The following ZC3H7B variants were observed in gnomAD, a reference collection of about 807,000 sequenced individuals.
The protein encoded by ZC3H7B is zinc finger CCCH domain-containing protein 7B.
A neutral mutation model predicts 116.0 loss-of-function variants in ZC3H7B; 35 were observed. That is an observed-to-expected ratio of 0.30 (90% CI 0.23 to 0.40). The LOEUF (loss-of-function observed/expected upper bound fraction) is 0.40. ZC3H7B is among the 10% of genes least tolerant of loss of function. The pLI, the probability that ZC3H7B is intolerant of heterozygous loss-of-function variation, is 1.00. For synonymous variants in ZC3H7B, 502 were observed against 545.6 expected (o/e 0.92, Z 1.11); for missense variants, 1,011 against 1,321.5 (o/e 0.77, Z 3.64).
At chr22:41,348,791 G>A (rs1026642716) in intron 15 of ZC3H7B, among the ~76,000 whole-genome samples, 3 of 152,332 alleles carry the variant, frequency 2.0e-5, no homozygotes, top group South Asian at 4.1e-4. Flanking sequence ...TGGCCCAGAG[G>A]ACATGCTTGG....
intron 9 of ZC3H7B, 45 bp from the exon 10 acceptor site, chr22:41,339,771 C>T (rs2036494945): frequency 6.5e-7 from 1 of 1,532,772 alleles, no homozygotes; most frequent in Non-Finnish European, 8.8e-7. Flanking sequence ...CAGGCCTGGG[C>T]AGTCCTGTTT....
intron 12 of ZC3H7B, 68 bp downstream of exon 12, chr22:41,342,696 C>T: frequency 3.5e-6 from 5 of 1,422,048 alleles, no homozygotes; most frequent in Non-Finnish European, 4.8e-6. Context: ...CATGGGATCC[C>T]AGATCAAAAG....
Position 41,327,729 on chromosome 22 carries a change from C to T in ZC3H7B, c.444+365C>T, listed in dbSNP as rs1426651933. Among the ~76,000 whole-genome samples, 1 of 152,186 alleles carries T rather than the reference C, an allele frequency of 6.6e-6. No homozygotes were observed. On this transcript the variant is annotated intron_variant, in intron 5 of 22. Transcript: ENST00000352645. The surrounding 1 kb of genome is among the most constrained non-coding windows in gnomAD (Gnocchi z 4.5). ...CCTGAGGTCAGGAGTTTGAGACCAG[C>T]CTGGCCAACATGGCAAAACCCCATC...
chr22:41,343,593 G>A lies in ZC3H7B; in HGVS notation c.1459+17G>A, dbSNP rs140522063. Reference sequence around the variant, plus strand: ...TGTGCAAAGGTGGGTGGGCTGCAGCGGGGCAGGCAGCACAGCTGGGGCCCA... The same window carrying A: ...TGTGCAAAGGTGGGTGGGCTGCAGCAGGGCAGGCAGCACAGCTGGGGCCCA... On this transcript the variant is annotated intron_variant, in intron 13 of 22. Transcript: ENST00000352645. 1.2e-3 allele frequency: 1,964 copies of A among 1,578,816 alleles called. 10 individuals are homozygous for A. In the African/African-American group the frequency reaches 0.013, roughly 11 times the overall value.
At chr22:41,332,315 A>C in intron 7 of ZC3H7B, 88 bp downstream of exon 7, 1 of 1,535,672 alleles carries the variant, frequency 6.5e-7, no homozygotes, top group Non-Finnish European at 9.0e-7. Flanking sequence ...GACCTCAGGC[A>C]GTGGGTCCAG....
At chr22:41,318,919 C>T (rs1479814781) in intron 1 of ZC3H7B, among the ~76,000 whole-genome samples, 6 of 152,152 alleles carry the variant, frequency 3.9e-5, no homozygotes, top group Non-Finnish European at 8.8e-5. Context: ...GAGCCCTTTC[C>T]CACCAGGTAT....
At position 41,339,221 on chromosome 22, in the gene ZC3H7B, CT is replaced by C; in HGVS notation, c.816+31del. The stretch of plus-strand genomic sequence containing the variant: ...GCCACACCACCCTCCTTGTGCTCCC[CT>C]GATCCCCTCTCCCCGCTGTGTCCCC... On this transcript the variant is annotated intron_variant, in intron 9 of 22. Transcript: ENST00000352645. The C allele has an allele frequency of 3.8e-6, 6 of 1,575,292 alleles. 1 individual carries two copies. Among genetic ancestry groups the C allele is most frequent in the South Asian group, 3.6e-5 (3 of 84,214 alleles).
At position 41,323,082 on chromosome 22, in the gene ZC3H7B, G is replaced by A. The variant is rs564253254; in HGVS notation, c.53+2369G>A. On this transcript the variant is annotated intron_variant, in intron 2 of 22. Transcript: ENST00000352645. The stretch of plus-strand genomic sequence containing the variant: ...CACAACGCAGTCACTTTTCCTGGCC[G>A]CTTCTGGAGGGTGTCCTGCGCTGGG... Among the ~76,000 whole-genome samples the A allele has an allele frequency of 8.5e-5, 13 of 152,288 alleles. No homozygotes were observed. The East Asian group carries it at 2.3e-3, about 27-fold the overall frequency.
intron 11 of ZC3H7B, 38 bp from the exon 12 acceptor site, chr22:41,342,491 A>G: frequency 6.2e-7 from 1 of 1,600,604 alleles, no homozygotes. Flanking sequence ...CTCAGCCATC[A>G]TCCAGTGCCC....
At chr22:41,350,746 C>A (rs1208039586) in intron 16 of ZC3H7B, among the ~76,000 whole-genome samples, 4 of 152,300 alleles carry the variant, frequency 2.6e-5, no homozygotes, top group African/African-American at 9.6e-5. Context: ...ATGTTGGAAG[C>A]AGCAGATGTG....
Position 41,348,058 on chromosome 22 carries a change from C to T in ZC3H7B, c.1666-9C>T. 6.2e-7 allele frequency: 1 copy of T among 1,613,538 alleles called. No individual in the cohort carries two copies. Among genetic ancestry groups the T allele is most frequent in the Non-Finnish European group, 8.5e-7 (1 of 1,179,610 alleles). On this transcript the variant is annotated splice_polypyrimidine_tract_variant and intron_variant, in intron 14 of 22. Coordinates refer to ENST00000352645, the MANE Select transcript of ZC3H7B (RefSeq NM_017590.6). ...ATGCCAGGTCCCAGCCCTTCCCCTC[C>T]CTGGGCAGATCTGCTTTGACAGTAA... is the stretch of plus-strand genomic sequence containing the variant.
At chr22:41,319,011 A>G (rs558085453) in intron 1 of ZC3H7B, among the ~76,000 whole-genome samples, 2 of 152,204 alleles carry the variant, frequency 1.3e-5, no homozygotes, top group African/African-American at 4.8e-5. Context: ...GCTGATGCCT[A>G]TAATTCCAGC....
rs147022653 is a variant in ZC3H7B, at chr22:41,327,364, C to T, written c.444C>T (p.His148=). 9.9e-6 allele frequency: 16 copies of T among 1,609,880 alleles called. No homozygotes were observed. Among genetic ancestry groups the T allele is most frequent in the South Asian group, 3.3e-5 (3 of 91,058 alleles). ...CSSRCSLALP[H]DESVTQLGQE... is the part of the protein sequence containing the mutation. ...GCCGGTGTTCCCTCGCCCTGCCCCA[C>T]GTGAGTGTGGCTCTGCAGCCACGCC... The change falls in exon 5 of 23, where the codon CAC becomes CAT. Residue 148 remains histidine, a splice_region_variant and synonymous_variant. Transcript: ENST00000352645. This position sits in a 1 kb window ranked among gnomAD's most constrained non-coding sequence, Gnocchi z 4.5.
At chr22:41,348,206 C>A in intron 15 of ZC3H7B, 39 bp downstream of exon 15, 1 of 1,568,702 alleles carries the variant, frequency 6.4e-7, no homozygotes, top group South Asian at 1.1e-5. Context: ...GCCTAGGGGC[C>A]AGTGGAGAGT....
chr22:41,316,318 C>T (rs1338112628), intron 1 of ZC3H7B, among the ~76,000 whole-genome samples: 2 of 146,178 alleles, frequency 1.4e-5, no homozygotes, highest in Admixed American at 6.9e-5. Flanking sequence ...TTTTTTTGAA[C>T]AGGGTCTCGC....
intron 17 of ZC3H7B, 23 bp from the exon 18 acceptor site, chr22:41,355,446 C>T (rs1270149189): frequency 3.1e-6 from 5 of 1,612,408 alleles, no homozygotes; most frequent in Non-Finnish European, 4.2e-6. Context: ...GCTTCACCAA[C>T]CCCCCTCCCC....
chr22:41,305,342 C>CAA (rs576957718), intron 1 of ZC3H7B, among the ~76,000 whole-genome samples: 5 of 94,144 alleles, frequency 5.3e-5, no homozygotes, highest in African/African-American at 7.2e-5. Context: ...GACTCTGTCT[C>CAA]AAAAAAAAAA....
Position 41,343,547 on chromosome 22 carries a change from GC to G in ZC3H7B, c.1431del (p.Phe478SerfsTer11). 1 of 1,611,366 alleles carries G rather than the reference GC, an allele frequency of 6.2e-7. No homozygotes were observed. The highest frequency in any genetic ancestry group is 8.5e-7 in the Non-Finnish European group (1 of 1,178,502). On this transcript the variant is annotated frameshift_variant, in exon 13 of 23. Coordinates refer to ENST00000352645, the MANE Select transcript of ZC3H7B (RefSeq NM_017590.6). LOFTEE classifies it high-confidence loss of function. ...KRIRPRPTKT[S>X]FVGSYYLCKD... The stretch of plus-strand genomic sequence containing the variant: ...ATCCGGCCCCGGCCCACTAAGACCA[GC>G]TTCGTGGGCTCCTACTACCTGTGCA...
chr22:41,312,373 C>T (rs1051584017), intron 1 of ZC3H7B, among the ~76,000 whole-genome samples: 2 of 151,182 alleles, frequency 1.3e-5, no homozygotes, highest in Non-Finnish European at 2.9e-5. Flanking sequence ...GAGGCTGAGG[C>T]TGCAATGAGC....
Sources: gnomAD v4.1 joint callset for allele counts (sites outside exome capture counted in the v4.1 genomes callset) on GRCh38, gnomAD v4.1.1 for gene constraint, Gnocchi (gnomAD v3.1) non-coding constraint, MANE v1.5 for transcripts, NCBI Gene and HGNC (gene_info 2026-07-23, HGNC 2026-07-21) for gene names.